The following RTEL1 variants were observed in gnomAD, a reference collection of about 807,000 sequenced individuals.
RTEL1 encodes regulator of telomere length.
RTEL1 carries 86 observed loss-of-function variants against 162.2 expected under a neutral mutation model. The observed-to-expected ratio is 0.53, with a 90% confidence interval of 0.45 to 0.63. The LOEUF is 0.63. RTEL1 is among the 30% of genes least tolerant of loss of function. RTEL1 has a pLI of 0.00. For synonymous variants in RTEL1, 958 were observed against 717.9 expected, an observed-to-expected ratio of 1.33 and a Z score of -5.35; for missense variants, 1,941 against 1,750.2, an observed-to-expected ratio of 1.11 and a Z score of -1.95.
At position 63,690,326 on chromosome 20, in the gene RTEL1, C is replaced by T; in HGVS notation, c.2298C>T (p.Pro766=). ...MPAPAPRATA[P]SVRGEDAVSE... ...CGCCGGCCCCCCGGGCTACAGCACCCAGTGTGCGTGGAGAAGATGCTGTCA... is the reference window on the plus strand; with the variant it reads ...CGCCGGCCCCCCGGGCTACAGCACCTAGTGTGCGTGGAGAAGATGCTGTCA... The change falls in exon 26 of 35, where the codon CCC becomes CCT. Residue 766 remains proline (P), a synonymous_variant. Transcript: ENST00000360203. The T allele has an allele frequency of 6.2e-7, 1 of 1,610,318 alleles. No individual in the cohort carries two copies. The highest frequency in any genetic ancestry group is 8.5e-7 in the Non-Finnish European group (1 of 1,178,438).
Position 63,659,350 on chromosome 20 carries a change from C to A in RTEL1, c.-53C>A. The A allele has an allele frequency of 7.2e-7, 1 of 1,384,340 alleles. No homozygotes were observed. Among genetic ancestry groups the A allele is most frequent in the Non-Finnish European group, 1.0e-6 (1 of 971,950 alleles). 85.8% of individuals were successfully genotyped at this position (1,384,340 alleles called of 1,614,324 possible). On this transcript the variant is annotated 5_prime_UTR_variant, in exon 2 of 35. Transcript: ENST00000360203. ...TTCGGAGTGGTTTTTTCGCACAGAC[C>A]CGAATAGCCTGCCCCTCAGCCACGC... is the stretch of plus-strand genomic sequence containing the variant.
At chr20:63,688,934 C>T (rs894545263) in intron 21 of RTEL1, 121 bp from the exon 22 acceptor site, 10 of 883,446 alleles carry the variant, frequency 1.1e-5, no homozygotes, top group African/African-American at 6.6e-5. Flanking sequence ...TTCCAGAACC[C>T]GATTGGCCTT....
chr20:63,692,733 G>C, intron 28 of RTEL1, 72 bp from the exon 29 acceptor site: 1 of 1,449,742 alleles, frequency 6.9e-7, no homozygotes, highest in Non-Finnish European at 9.5e-7. Flanking sequence ...AATGTTCCAA[G>C]GAAGGCTCTG....
At chr20:63,690,583 T>A in intron 26 of RTEL1, 142 bp downstream of exon 26, 1 of 1,233,684 alleles carries the variant, frequency 8.1e-7, no homozygotes, top group Non-Finnish European at 1.1e-6. Flanking sequence ...TGCCTCTCCC[T>A]CCTAGGGCAG....
At chr20:63,690,503 G>GGGGGGC in intron 26 of RTEL1, 62 bp downstream of exon 26, 6 of 1,028,420 alleles carry the variant, frequency 5.8e-6, no homozygotes, top group East Asian at 2.6e-5. Context: ...CGTGGGGCGG[G>GGGGGGC]CAGCACCAGG....
chr20:63,691,030 C>T, intron 27 of RTEL1, 83 bp downstream of exon 27: 2 of 1,369,642 alleles, frequency 1.5e-6, no homozygotes, highest in Non-Finnish European at 2.0e-6. Context: ...CCTCAGGCAC[C>T]TCCCCACACA....
rs2090191207 is a variant in RTEL1 at position 63,668,785 on chromosome 20, C to T, written c.699+1232C>T. The stretch of plus-strand genomic sequence containing the variant: ...GACAGTTATATCACAGCTGGTAAGC[C>T]GAGTCTAACACTTTCACGGAAACGC... On this transcript the variant is annotated intron_variant, in intron 8 of 34. Coordinates refer to ENST00000360203, the MANE Select transcript of RTEL1 (RefSeq NM_001283009.2). This position sits in a 1 kb window ranked among gnomAD's most constrained non-coding sequence, Gnocchi z 4.3. Among the ~76,000 whole-genome samples, 2 of 152,116 alleles carry T rather than the reference C, an allele frequency of 1.3e-5. No homozygotes were observed. The highest frequency in any genetic ancestry group is 2.4e-5 in the African/African-American group (1 of 41,408).
chr20:63,685,533 G>A lies in RTEL1; in HGVS notation c.1202G>A (p.Ser401Asn). 6.2e-7 allele frequency: 1 copy of A among 1,612,628 alleles called. No individual in the cohort carries two copies. Among genetic ancestry groups the A allele is most frequent in the African/African-American group, 1.3e-5 (1 of 74,982 alleles). Reference protein sequence around the residue: ...KLADIIQIVFSVDPSEGSPGS... With the variant: ...KLADIIQIVFNVDPSEGSPGS... ...TCCTCTGCCTTTCAGATTGTGTTCA[G>A]TGTGGACCCCTCCGAGGGCAGCCCT... Residue 401 changes from serine to asparagine, a missense_variant, in exon 15 of 35, where the codon AGT becomes AAT. By Grantham distance (46) the Ser-to-Asn change is conservative. Transcript: ENST00000360203.
chr20:63,670,898 G>A (rs2090228417), intron 8 of RTEL1, among the ~76,000 whole-genome samples: 1 of 152,086 alleles, frequency 6.6e-6, no homozygotes, highest in African/African-American at 2.4e-5. Flanking sequence ...AAACTGGGAA[G>A]CAGCCCGCGT....
chr20:63,691,643 G>C, intron 27 of RTEL1, 99 bp from the exon 28 acceptor site: 2 of 1,047,708 alleles, frequency 1.9e-6, no homozygotes, highest in East Asian at 4.8e-5. Flanking sequence ...TCTTGGCTCA[G>C]GGCTCCTTGG....
chr20:63,672,647 A>T (rs907126909), intron 9 of RTEL1, 26 bp downstream of exon 9: 2 of 1,547,418 alleles, frequency 1.3e-6, no homozygotes, highest in Non-Finnish European at 1.8e-6. Context: ...CCTCCTAAAC[A>T]CCTCCTATTG....
At position 63,681,937 on chromosome 20, in the gene RTEL1, A is replaced by G. The variant is rs536087443; in HGVS notation, c.1191+1218A>G. On this transcript the variant is annotated intron_variant, in intron 14 of 34. Transcript: ENST00000360203. ...AGGGCTGCTGTGCTGTCCCGCATGG[A>G]GTGTGGTTGGCTCTTCAAGCAGGAG... The G allele has an allele frequency of 1.7e-4, 165 of 985,098 alleles. 1 individual carries two copies. The South Asian group carries it at 6.9e-3, about 41-fold the overall frequency. 61.0% of individuals were successfully genotyped at this position (985,098 alleles called of 1,614,324 possible). A position where few individuals can be genotyped will look rare whatever the true frequency, so the allele number is the denominator to read the frequency against.
At chr20:63,679,264 C>T (rs924992293) in intron 12 of RTEL1, among the ~76,000 whole-genome samples, 2 of 152,150 alleles carry the variant, frequency 1.3e-5, no homozygotes, top group Admixed American at 1.3e-4. Flanking sequence ...CCGACCTGGT[C>T]GGGGGAATCC....
At chr20:63,662,453 C>T (rs1274416748) in intron 4 of RTEL1, 93 bp from the exon 5 acceptor site, 2 of 1,579,776 alleles carry the variant, frequency 1.3e-6, no homozygotes. Flanking sequence ...ACCGCCGAGG[C>T]TCCTGCGTGT....
chr20:63,692,972 T>C lies in RTEL1; in HGVS notation c.2820T>C (p.Ala940=). Reference sequence around the variant, plus strand: ...CCGCCTGTCTCGGCCCCCTCTTTGCTGAGGACCCCAAGAAGCACAACCTGC... The same window carrying C: ...CCGCCTGTCTCGGCCCCCTCTTTGCCGAGGACCCCAAGAAGCACAACCTGC... ...ALAACLGPLF[A]EDPKKHNLLQ... Residue 940 remains alanine, a synonymous_variant, in exon 29 of 35, where the codon GCT becomes GCC. Transcript: ENST00000360203. 6.2e-7 allele frequency: 1 copy of C among 1,612,628 alleles called. No homozygotes were observed. The highest frequency in any genetic ancestry group is 8.5e-7 in the Non-Finnish European group (1 of 1,179,826).
chr20:63,690,687 A>G, intron 26 of RTEL1, 118 bp from the exon 27 acceptor site: 1 of 1,188,434 alleles, frequency 8.4e-7, no homozygotes, highest in Non-Finnish European at 1.2e-6. Flanking sequence ...AGCAGGGAGG[A>G]CACCCACAGG....
chr20:63,694,383 C>T lies in RTEL1; in HGVS notation c.3004C>T (p.Pro1002Ser), dbSNP rs769182907. Residue 1002 changes from proline to serine, a missense_variant, in exon 31 of 35, where the codon CCG becomes TCG. Physicochemically the swap from Pro to Ser is moderately conservative, Grantham distance 74. Transcript: ENST00000360203. ...PVLDPTGRTA[P>S]DPKLTVSTAA... ...CATCTCTTCATCAGGAAGAACGGCG[C>T]CGGATCCCAAGCTGACCGTGTCCAC... 1.9e-6 allele frequency: 3 copies of T among 1,612,258 alleles called. No homozygotes were observed. Among genetic ancestry groups the T allele is most frequent in the South Asian group, 1.1e-5 (1 of 91,082 alleles).
chr20:63,673,538 A>G (rs1461163000), intron 9 of RTEL1, among the ~76,000 whole-genome samples: 1 of 152,092 alleles, frequency 6.6e-6, no homozygotes, highest in Non-Finnish European at 1.5e-5. Context: ...TCCTGGGCTC[A>G]AGCCATCCTC....
chr20:63,688,485 G>T (rs571048758), intron 20 of RTEL1, 43 bp from the exon 21 acceptor site: 1 of 1,605,698 alleles, frequency 6.2e-7, no homozygotes, highest in East Asian at 2.2e-5. Context: ...TCGGATCGGC[G>T]GCGTGACCAG....
Sources: gnomAD v4.1 joint callset for allele counts (sites outside exome capture counted in the v4.1 genomes callset) on GRCh38, gnomAD v4.1.1 for gene constraint, Gnocchi (gnomAD v3.1) non-coding constraint, MANE v1.5 for transcripts, NCBI Gene and HGNC (gene_info 2026-07-23, HGNC 2026-07-21) for gene names.